The following SLC39A11 variants were observed in gnomAD, a reference collection of about 807,000 sequenced individuals.
The protein encoded by SLC39A11 is zinc transporter ZIP11.
A neutral mutation model predicts 36.1 loss-of-function variants in SLC39A11; 33 were observed. The ratio of observed to expected loss-of-function variants is 0.91; its 90% confidence interval spans 0.69 to 1.22. SLC39A11 has a LOEUF of 1.22. Ranked by LOEUF, SLC39A11 falls within the 50% of genes most tolerant of loss-of-function variation. SLC39A11 has a pLI of 0.00. For synonymous variants in SLC39A11, 166 were observed against 170.3 expected, an observed-to-expected ratio of 0.97 and a Z score of 0.20; for missense variants, 432 against 430.3, an observed-to-expected ratio of 1.00 and a Z score of -0.03.
chr17:72,873,741 G>A (rs968012107), intron 5 of SLC39A11, among the ~76,000 whole-genome samples: 11 of 152,230 alleles, frequency 7.2e-5, no homozygotes, highest in Admixed American at 7.2e-4. Flanking sequence ...TCCTCCTTTA[G>A]CTGGTCTGAA....
chr17:73,041,683 AC>A (rs1169364855), intron 3 of SLC39A11, among the ~76,000 whole-genome samples: 6 of 152,254 alleles, frequency 3.9e-5, no homozygotes, highest in Non-Finnish European at 8.8e-5. Flanking sequence ...AATCCTATGT[AC>A]AAAAACTCAA....
intron 7 of SLC39A11, among the ~76,000 whole-genome samples, chr17:72,663,169 C>A (rs376091032): frequency 6.6e-6 from 1 of 152,196 alleles, no homozygotes; most frequent in South Asian, 2.1e-4. Context: ...AATTTAATGG[C>A]CATTAGCCCA....
chr17:73,076,318 C>T (rs1052200613), intron 3 of SLC39A11, among the ~76,000 whole-genome samples: 17 of 152,104 alleles, frequency 1.1e-4, no homozygotes, highest in African/African-American at 3.9e-4. Flanking sequence ...CAGGGCCCTG[C>T]TAATGAGAAA....
At chr17:72,729,577 C>T (rs187155478) in intron 7 of SLC39A11, among the ~76,000 whole-genome samples, 196 of 146,356 alleles carry the variant, frequency 1.3e-3, no homozygotes, top group South Asian at 9.5e-3. Flanking sequence ...GGATTACAGG[C>T]ATGAGCCACT....
At chr17:72,701,165 G>C (rs1052052221) in intron 7 of SLC39A11, among the ~76,000 whole-genome samples, 12 of 152,250 alleles carry the variant, frequency 7.9e-5, no homozygotes, top group Non-Finnish European at 4.4e-5. Flanking sequence ...TTCTCACCCA[G>C]ATGTTTGGCA....
rs1183625484 is a variant in SLC39A11, at chr17:72,821,449, T to A, written c.601+28185A>T. Among the ~76,000 whole-genome samples the A allele has an allele frequency of 3.1e-5, 4 of 128,926 alleles. 1 individual carries two copies. Among genetic ancestry groups the A allele is most frequent in the Non-Finnish European group, 6.3e-5 (4 of 63,470 alleles). The allele number at this position is 128,926 out of a possible 152,430, so 84.6% of individuals were successfully genotyped here. ...TGAACTCAGGAGGCGGAGGTTGTGG[T>A]GAGCCAAGATTGTACCACTGCACTC... On this transcript the variant is annotated intron_variant, in intron 6 of 9. Transcript: ENST00000255559.
Position 73,043,984 on chromosome 17 carries a change from C to T in SLC39A11, c.148-12270G>A, listed in dbSNP as rs140113759. Among the ~76,000 whole-genome samples, 427 of 152,244 alleles carry T rather than the reference C, an allele frequency of 2.8e-3. 1 individual carries two copies. The highest frequency in any genetic ancestry group is 5.1e-3 in the Non-Finnish European group (347 of 68,034). On this transcript the variant is annotated intron_variant, in intron 3 of 9. Transcript: ENST00000255559. ...AATAATTTTACAGAATTAAACCCAA[C>T]GGCTCAAAATTATAATCAATTACAT... is the stretch of plus-strand genomic sequence containing the variant.
intron 3 of SLC39A11, among the ~76,000 whole-genome samples, chr17:73,067,412 G>T (rs1424930439): frequency 6.6e-6 from 1 of 152,224 alleles, no homozygotes; most frequent in Admixed American, 6.5e-5. Context: ...GACAAAGGCT[G>T]CCCTCTTGGG....
At chr17:73,092,255 C>A (rs1599267131) in intron 1 of SLC39A11, 1 of 152,240 alleles carries the variant, frequency 6.6e-6, no homozygotes, top group African/African-American at 2.4e-5. Flanking sequence ...GGATTTGTAG[C>A]TGCCTCTGCT....
chr17:72,852,656 C>T (rs2079421032), intron 5 of SLC39A11, among the ~76,000 whole-genome samples: 2 of 152,182 alleles, frequency 1.3e-5, no homozygotes, highest in Admixed American at 6.5e-5. Flanking sequence ...ATTAGATCAC[C>T]TTCGTGTATG....
intron 6 of SLC39A11, among the ~76,000 whole-genome samples, chr17:72,749,558 G>A (rs58589855): frequency 0.079 from 11,990 of 152,246 alleles, 561 homozygotes; most frequent in African/African-American, 0.13. Context: ...TGAGTAGTGT[G>A]GTCAGACGGG....
chr17:72,666,723 G>A (rs1042569996), intron 7 of SLC39A11, among the ~76,000 whole-genome samples: 2 of 152,160 alleles, frequency 1.3e-5, no homozygotes, highest in Non-Finnish European at 2.9e-5. Context: ...CAAACTAAAG[G>A]GGGAGTTTTC....
chr17:72,668,776 A>G (rs2070866669), intron 7 of SLC39A11, among the ~76,000 whole-genome samples: 1 of 152,196 alleles, frequency 6.6e-6, no homozygotes, highest in Admixed American at 6.5e-5. Flanking sequence ...CAGAGCTGAG[A>G]CTTAATAACT....
In SLC39A11 at chr17:73,009,058, C is replaced by CAA. The variant is rs34448509; in HGVS notation, c.306+22496_306+22497dup. ...GCCTGGGTGACAGAGAGACCTGCCT[C>CAA]AAAAAAAAAAAAAAAAAAAAGGCAG... On this transcript the variant is annotated intron_variant, in intron 4 of 9. Transcript: ENST00000255559. Among the ~76,000 whole-genome samples the CAA allele has an allele frequency of 3.3e-4, 26 of 78,836 alleles. 1 individual carries two copies. Among genetic ancestry groups the CAA allele is most frequent in the African/African-American group, 9.5e-4 (21 of 22,002 alleles). 51.7% of individuals were successfully genotyped at this position (78,836 alleles called of 152,430 possible).
chr17:72,795,100 A>G (rs2076852931), intron 6 of SLC39A11, among the ~76,000 whole-genome samples: 1 of 152,128 alleles, frequency 6.6e-6, no homozygotes, highest in South Asian at 2.1e-4. Context: ...CCCTGTATTA[A>G]CAATCTACTG....
intron 4 of SLC39A11, among the ~76,000 whole-genome samples, chr17:73,016,547 T>C (rs1000407242): frequency 6.6e-6 from 1 of 152,002 alleles, no homozygotes. Context: ...TTAGCCAGAC[T>C]GGTCTCGAAC....
chr17:72,983,202 T>G (rs939701530), intron 4 of SLC39A11, among the ~76,000 whole-genome samples: 1 of 152,020 alleles, frequency 6.6e-6, no homozygotes, highest in Non-Finnish European at 1.5e-5. Flanking sequence ...CAGGCTGGGG[T>G]GCAGTGCCGC....
chr17:73,036,154 G>C (rs1272192214), intron 3 of SLC39A11, among the ~76,000 whole-genome samples: 1 of 152,116 alleles, frequency 6.6e-6, no homozygotes, highest in Non-Finnish European at 1.5e-5. Flanking sequence ...TAATAAATTT[G>C]CACTGTTTTA....
chr17:72,769,632 C>T (rs981502639), intron 6 of SLC39A11, among the ~76,000 whole-genome samples: 1 of 152,012 alleles, frequency 6.6e-6, no homozygotes, highest in East Asian at 1.9e-4. Flanking sequence ...GCAACCTCCC[C>T]CTCCTGGGTT....
Sources: allele counts gnomAD v4.1 joint callset (sites outside exome capture counted in the v4.1 genomes callset), GRCh38; gene constraint gnomAD v4.1.1; transcripts MANE v1.5; gene names NCBI Gene and HGNC (gene_info 2026-07-23, HGNC 2026-07-21).